Variants in LRP1B observed in about 807,000 individuals in gnomAD.
The protein encoded by LRP1B is LDL receptor related protein 1B.
Under a neutral mutation model 556.6 loss-of-function variants are expected in LRP1B, and 217 were observed. The observed-to-expected ratio is 0.39, with a 90% CI of 0.35 to 0.44. The LOEUF (loss-of-function observed/expected upper bound fraction) is 0.44. Ranked by LOEUF, LRP1B falls within the 20% of genes least tolerant of loss-of-function variation. The probability of loss-of-function intolerance (pLI) is 1.00; values close to 1 mark genes in which losing one functional copy is unlikely to be tolerated. For synonymous variants in LRP1B, 2,047 were observed against 1,865.8 expected (o/e 1.10, Z -2.50); for missense variants, 5,053 against 5,620.8 (o/e 0.90, Z 3.23).
chr2:141,316,800 C>G (rs1687053210), intron 3 of LRP1B, among the ~76,000 whole-genome samples: 1 of 152,202 alleles, frequency 6.6e-6, no homozygotes, highest in African/African-American at 2.4e-5. Context: ...TGGATAAGCA[C>G]AGCCCCATAG....
At chr2:140,504,219 C>T (rs1010833389) in intron 53 of LRP1B, among the ~76,000 whole-genome samples, 2 of 152,126 alleles carry the variant, frequency 1.3e-5, no homozygotes, top group Non-Finnish European at 2.9e-5. Context: ...ATAACAAACA[C>T]CAAGTGCTAA....
intron 1 of LRP1B, among the ~76,000 whole-genome samples, chr2:142,028,129 A>G (rs2105189844): frequency 6.6e-6 from 1 of 152,116 alleles, no homozygotes. Flanking sequence ...GAACAAAAAT[A>G]GAGATTGCTC....
chr2:141,830,431 G>A (rs1435529939), intron 1 of LRP1B, among the ~76,000 whole-genome samples: 3 of 151,904 alleles, frequency 2.0e-5, no homozygotes, highest in South Asian at 2.1e-4. Flanking sequence ...CCCTGGAATA[G>A]ATAAATCATC....
At chr2:140,907,839 T>C (rs2105231376) in intron 22 of LRP1B, 38 bp downstream of exon 22, 1 of 1,579,662 alleles carries the variant, frequency 6.3e-7, no homozygotes, top group Non-Finnish European at 8.7e-7. Context: ...AAGGTTGTAG[T>C]TTTCATGGAG....
At chr2:140,660,550 A>T (rs1166387956) in intron 41 of LRP1B, among the ~76,000 whole-genome samples, 1 of 152,066 alleles carries the variant, frequency 6.6e-6, no homozygotes, top group Admixed American at 6.6e-5. Context: ...GCTCCTTTTC[A>T]TATCTCCCAA....
chr2:141,044,195 G>A (rs1424338691), intron 11 of LRP1B, among the ~76,000 whole-genome samples: 1 of 151,674 alleles, frequency 6.6e-6, no homozygotes, highest in Non-Finnish European at 1.5e-5. Flanking sequence ...AATAAATGGT[G>A]CTGGGAAAAC....
intron 1 of LRP1B, among the ~76,000 whole-genome samples, chr2:141,889,945 T>A (rs1360783863): frequency 6.6e-6 from 1 of 152,092 alleles, no homozygotes; most frequent in African/African-American, 2.4e-5. Flanking sequence ...TGTACCACAC[T>A]GTGACAATGC....
intron 1 of LRP1B, among the ~76,000 whole-genome samples, chr2:142,120,011 G>A (rs1707400357): frequency 6.6e-6 from 1 of 151,842 alleles, no homozygotes; most frequent in Non-Finnish European, 1.5e-5. Context: ...ATAATCCAAG[G>A]GCTCTAATTG....
intron 60 of LRP1B, among the ~76,000 whole-genome samples, chr2:140,470,811 T>G (rs1249413746): frequency 6.6e-6 from 1 of 152,244 alleles, no homozygotes; most frequent in Middle Eastern, 3.4e-3. Flanking sequence ...GGAATTTAAC[T>G]ACATTGTTCA....
intron 5 of LRP1B, among the ~76,000 whole-genome samples, chr2:141,233,389 C>A (rs1354538010): frequency 6.6e-6 from 1 of 152,160 alleles, no homozygotes; most frequent in Non-Finnish European, 1.5e-5. Flanking sequence ...AAAAACATTT[C>A]TCTCTCCTGT....
rs138286044 is a variant in LRP1B at position 141,991,898 on chromosome 2, A to G, written c.82+138750T>C. Reference sequence around the variant, plus strand: ...AATGAAGAAAAACTCCCTATTGCACATGCAATAGAAGAGTGACACTCTATA... The same window carrying G: ...AATGAAGAAAAACTCCCTATTGCACGTGCAATAGAAGAGTGACACTCTATA... On this transcript the variant is annotated intron_variant, in intron 1 of 90. Coordinates refer to ENST00000389484, the MANE Select transcript of LRP1B (RefSeq NM_018557.3). 6.5e-3 allele frequency among the ~76,000 whole-genome samples: 984 copies of G among 152,240 alleles called. 10 individuals are homozygous for G. The highest frequency in any genetic ancestry group is 0.022 in the African/African-American group (932 of 41,556).
chr2:140,775,740 G>T (rs1046049006), intron 33 of LRP1B, among the ~76,000 whole-genome samples: 11 of 152,092 alleles, frequency 7.2e-5, no homozygotes, highest in African/African-American at 2.7e-4. Flanking sequence ...TTCTTTTGTT[G>T]ATGTAGTCCA....
At chr2:140,953,665 C>T (rs763435621) in intron 18 of LRP1B, among the ~76,000 whole-genome samples, 5 of 152,112 alleles carry the variant, frequency 3.3e-5, no homozygotes, top group South Asian at 4.1e-4. Context: ...ATCAATCAGT[C>T]ATTTCAATTT....
At chr2:140,508,838 T>G (rs993743959) in intron 52 of LRP1B, among the ~76,000 whole-genome samples, 1 of 152,140 alleles carries the variant, frequency 6.6e-6, no homozygotes, top group African/African-American at 2.4e-5. Context: ...GTTAACTTGC[T>G]ACAATAGCAA....
intron 37 of LRP1B, among the ~76,000 whole-genome samples, chr2:140,714,268 T>A (rs1375408026): frequency 6.6e-6 from 1 of 152,120 alleles, no homozygotes; most frequent in Admixed American, 6.6e-5. Context: ...ATGTCCTAGC[T>A]CACAGTGCCT....
At position 141,154,901 on chromosome 2, in the gene LRP1B, A is replaced by G. The variant is rs1285512339; in HGVS notation, c.1013+33520T>C. On this transcript the variant is annotated intron_variant, in intron 7 of 90. Coordinates refer to ENST00000389484, the MANE Select transcript of LRP1B (RefSeq NM_018557.3). ...TCTGTGTTTTCTCCTTTCAATAATC[A>G]GGGAAAGAGTTCAGTATAGCCAGTG... is the stretch of plus-strand genomic sequence containing the variant. Among the ~76,000 whole-genome samples the G allele has an allele frequency of 3.3e-5, 5 of 151,916 alleles. No homozygotes were observed. The East Asian group carries it at 9.6e-4, about 29-fold the overall frequency.
intron 79 of LRP1B, among the ~76,000 whole-genome samples, chr2:140,326,767 T>C (rs4954828): frequency 0.44 from 66,708 of 151,892 alleles, 15,384 homozygotes; most frequent in Non-Finnish European, 0.53. Context: ...TCTAGTGATA[T>C]TTAATTTTCT....
intron 43 of LRP1B, among the ~76,000 whole-genome samples, chr2:140,552,397 G>A (rs1007366439): frequency 1.3e-5 from 2 of 152,042 alleles, no homozygotes; most frequent in Non-Finnish European, 2.9e-5. Context: ...TAATAGTTTA[G>A]TTTTTACTTC....
intron 35 of LRP1B, among the ~76,000 whole-genome samples, chr2:140,722,912 G>A (rs1421514699): frequency 5.9e-5 from 9 of 152,048 alleles, no homozygotes; most frequent in Admixed American, 2.0e-4. Context: ...GCATGTTGGC[G>A]GGCGCCTGTA....
Sources: gnomAD v4.1 joint callset for allele counts (sites outside exome capture counted in the v4.1 genomes callset) on GRCh38, gnomAD v4.1.1 for gene constraint, MANE v1.5 for transcripts, NCBI Gene and HGNC (gene_info 2026-07-23, HGNC 2026-07-21) for gene names.